Variants in UBN2 observed in about 807,000 individuals in gnomAD.
UBN2 encodes ubinuclein-2.
A neutral mutation model predicts 120.2 loss-of-function variants in UBN2; 35 were observed. The observed-to-expected ratio is 0.29, with a 90% CI of 0.22 to 0.39. The LOEUF (loss-of-function observed/expected upper bound fraction) is 0.39. Ranked by LOEUF, UBN2 falls within the 10% of genes least tolerant of loss-of-function variation. The pLI is 1.00. For synonymous variants in UBN2, 661 were observed against 648.7 expected (o/e 1.02, Z -0.29); for missense variants, 1,693 against 1,663.2 (o/e 1.02, Z -0.31).
chr7:139,261,020 C>G (rs1783962271), intron 5 of UBN2, among the ~76,000 whole-genome samples: 1 of 152,146 alleles, frequency 6.6e-6, no homozygotes. Context: ...CTAAACTGAG[C>G]TGTTTCCCCA....
At chr7:139,323,782 G>A in the UBN2 span, among the ~76,000 whole-genome samples, 2 of 152,016 alleles carry the variant, frequency 1.3e-5, no homozygotes, top group South Asian at 4.1e-4. Context: ...TAGAGTTGGG[G>A]TTTCACCATG....
chr7:139,274,004 G>A lies in UBN2; in HGVS notation c.1903G>A (p.Glu635Lys). 6.2e-7 allele frequency: 1 copy of A among 1,613,990 alleles called. No individual in the cohort carries two copies. Among genetic ancestry groups the A allele is most frequent in the Non-Finnish European group, 8.5e-7 (1 of 1,179,954 alleles). The part of the protein sequence containing the change: ...ELEPNKSQSA[E>K]DYLKSFMETE... ...AGAACCAAATAAAAGCCAGTCTGCTGAAGATTATCTTAAGTCTTTTATGGA... is the reference window on the plus strand; with the variant it reads ...AGAACCAAATAAAAGCCAGTCTGCTAAAGATTATCTTAAGTCTTTTATGGA... Residue 635 changes from glutamate (E) to lysine (K), a missense_variant, in exon 11 of 18, where the codon GAA becomes AAA. By Grantham distance (56) the Glu-to-Lys change is moderately conservative (BLOSUM62 1). Transcript: ENST00000473989.
In UBN2 at chr7:139,299,992, A is replaced by G. The variant is rs559889639; in HGVS notation, c.*2156A>G. 1 of 152,290 alleles carries G rather than the reference A, an allele frequency of 6.6e-6. No individual in the cohort carries two copies. Among genetic ancestry groups the G allele is most frequent in the African/African-American group, 2.4e-5 (1 of 41,566 alleles). The allele number at this position is 152,290 out of a possible 1,614,324, so 9.4% of individuals were successfully genotyped here. ...TTTGTCTGTATGTATATATACATAC[A>G]CACATACATTCATATAAATGACTAG... On this transcript the variant is annotated 3_prime_UTR_variant, in exon 18 of 18. Transcript: ENST00000473989.
Position 139,261,649 on chromosome 7 carries a change from A to G in UBN2, c.1303A>G (p.Thr435Ala). 6.2e-7 allele frequency: 1 copy of G among 1,614,190 alleles called. No individual in the cohort carries two copies. The highest frequency in any genetic ancestry group is 8.5e-7 in the Non-Finnish European group (1 of 1,180,034). The change falls in exon 6 of 18, where the codon ACC becomes GCC. Residue 435 changes from threonine to alanine, a missense_variant. Physicochemically the swap from Thr to Ala is moderately conservative, Grantham distance 58. Coordinates refer to ENST00000473989, the MANE Select transcript of UBN2 (RefSeq NM_173569.4). ...GGENGTTTQP[T>A]YTSQVMPKVV... ...TGAAAATGGAACCACCACCCAGCCA[A>G]CCTACACTTCTCAGGTTATGCCCAA...
chr7:139,327,191 A>G, the UBN2 span, among the ~76,000 whole-genome samples: 3 of 151,856 alleles, frequency 2.0e-5, no homozygotes, highest in Non-Finnish European at 2.9e-5. Flanking sequence ...GTGCCACCAC[A>G]CCCAGCTAAT....
At chr7:139,252,134 A>G in intron 3 of UBN2, 77 bp downstream of exon 3, 1 of 1,178,342 alleles carries the variant, frequency 8.5e-7, no homozygotes, top group Non-Finnish European at 1.3e-6. Context: ...AAAGTAACTT[A>G]AATAGTGCAG....
At chr7:139,275,089 C>T (rs532254662) in intron 11 of UBN2, among the ~76,000 whole-genome samples, 1 of 150,968 alleles carries the variant, frequency 6.6e-6, no homozygotes, top group East Asian at 2.0e-4. Context: ...ACCAGCCTGG[C>T]CAGCATGGTG....
rs532160958 is a variant in UBN2 at position 139,290,277 on chromosome 7, C to T, written c.3670-2955C>T. On this transcript the variant is annotated intron_variant, in intron 15 of 17. Coordinates refer to ENST00000473989, the MANE Select transcript of UBN2 (RefSeq NM_173569.4). ...AGTTGATGCAGGATCTTTTCTTTCC[C>T]AGTTGCATTAAGATACTATTATTTC... 1.8e-4 allele frequency among the ~76,000 whole-genome samples: 27 copies of T among 152,174 alleles called. No individual in the cohort carries two copies. The South Asian group carries it at 4.4e-3, about 25-fold the overall frequency.
chr7:139,261,320 C>T lies in UBN2; in HGVS notation c.974C>T (p.Ala325Val). The change falls in exon 6 of 18, where the codon GCT becomes GTT. Residue 325 changes from alanine (A) to valine (V), a missense_variant. Coordinates refer to ENST00000473989, the MANE Select transcript of UBN2 (RefSeq NM_173569.4). ...CGTTATAAAGATTCTCTTTCTCTAG[C>T]TGCCATGATTAGAAAATTCCAGAAA... ...KKRYKDSLSL[A>V]AMIRKFQKEK... The T allele has an allele frequency of 6.2e-7, 1 of 1,613,984 alleles. No homozygotes were observed. The highest frequency in any genetic ancestry group is 8.5e-7 in the Non-Finnish European group (1 of 1,179,986).
At chr7:139,245,575 G>A (rs1021434534) in intron 2 of UBN2, among the ~76,000 whole-genome samples, 2 of 152,158 alleles carry the variant, frequency 1.3e-5, no homozygotes, top group Non-Finnish European at 2.9e-5. Flanking sequence ...CCCATAAATT[G>A]TTTGCACTTC....
In UBN2 at chr7:139,261,456, G is replaced by A. The variant is rs182314709; in HGVS notation, c.1110G>A (p.Pro370=). Residue 370 remains proline (P), a synonymous_variant, in exon 6 of 18, where the codon CCG becomes CCA. Transcript: ENST00000473989. ...CAAAALGNDV[P]DLNLSSGDPD... ...CTGCAGCACTGGGGAATGACGTCCC[G>A]GACTTAAATCTGAGCAGCGGTGATC... The A allele has an allele frequency of 2.5e-4, 403 of 1,614,138 alleles. 3 individuals are homozygous for A. In the African/African-American group the frequency reaches 4.1e-3, roughly 16 times the overall value.
chr7:139,293,572 G>GTTTTTT, intron 16 of UBN2, 109 bp downstream of exon 16: 5 of 690,092 alleles, frequency 7.2e-6, no homozygotes, highest in Non-Finnish European at 1.1e-5. Flanking sequence ...GAAGATTATA[G>GTTTTTT]TTTTTTTTTT....
intron 1 of UBN2, 31 bp downstream of exon 1, chr7:139,231,983 C>T (rs767015902): frequency 1.3e-6 from 2 of 1,563,164 alleles, no homozygotes; most frequent in South Asian, 1.1e-5. Context: ...CTGCCCCAGA[C>T]CCCGGGAGCC....
At chr7:139,232,819 A>G (rs1384513979) in intron 1 of UBN2, among the ~76,000 whole-genome samples, 1 of 152,214 alleles carries the variant, frequency 6.6e-6, no homozygotes, top group African/African-American at 2.4e-5. Flanking sequence ...ATATATAGGT[A>G]TGCTTTTGAT....
rs1055556788 is a variant in UBN2, at chr7:139,231,763, C to A, written c.279C>A (p.Pro93=). ...PMSLQREPPR[P]EPPPPFPPLP... is the part of the protein sequence containing the mutation. ...CGCTGCAGCGGGAGCCCCCGCGGCCCGAGCCGCCGCCGCCGTTCCCGCCGC... is the reference window on the plus strand; with the variant it reads ...CGCTGCAGCGGGAGCCCCCGCGGCCAGAGCCGCCGCCGCCGTTCCCGCCGC... The change falls in exon 1 of 18, where the codon CCC becomes CCA. Residue 93 remains proline (P), a synonymous_variant. Transcript: ENST00000473989. 3 of 1,244,204 alleles carry A rather than the reference C, an allele frequency of 2.4e-6. No individual in the cohort carries two copies. The highest frequency in any genetic ancestry group is 3.2e-5 in the African/African-American group (2 of 62,822). 77.1% of individuals were successfully genotyped at this position (1,244,204 alleles called of 1,614,324 possible). A position where few individuals can be genotyped will look rare whatever the true frequency, so the allele number is the denominator to read the frequency against.
intron 3 of UBN2, among the ~76,000 whole-genome samples, chr7:139,253,571 C>G (rs375358836): frequency 1.3e-5 from 2 of 152,200 alleles, no homozygotes; most frequent in South Asian, 2.1e-4. Flanking sequence ...CATTGAGTGC[C>G]AGTCTTTATC....
rs1056537005 is a variant in UBN2, at chr7:139,298,083, A to G, written c.*247A>G. 6.5e-5 allele frequency: 28 copies of G among 430,320 alleles called. No individual in the cohort carries two copies. In the East Asian group the frequency reaches 9.1e-4, roughly 14 times the overall value. The allele number at this position is 430,320 out of a possible 1,614,324, so 26.7% of individuals were successfully genotyped here. On this transcript the variant is annotated 3_prime_UTR_variant, in exon 18 of 18. Transcript: ENST00000473989. ...TTCTAAAGAATGACAGAGTTACCGTATTAACAGACTTGAAAGAGACTCAGT... is the reference window on the plus strand; with the variant it reads ...TTCTAAAGAATGACAGAGTTACCGTGTTAACAGACTTGAAAGAGACTCAGT...
intron 3 of UBN2, among the ~76,000 whole-genome samples, chr7:139,253,115 T>G (rs1196387410): frequency 1.3e-5 from 2 of 152,202 alleles, no homozygotes; most frequent in African/African-American, 2.4e-5. Flanking sequence ...TACATGGATA[T>G]AATCCTTTTA....
chr7:139,292,208 A>T (rs1173477988), intron 15 of UBN2, among the ~76,000 whole-genome samples: 1 of 152,142 alleles, frequency 6.6e-6, no homozygotes, highest in Non-Finnish European at 1.5e-5. Context: ...GTTAGCTGTG[A>T]TTGCACCACT....
Sources: gnomAD v4.1 joint callset for allele counts (sites outside exome capture counted in the v4.1 genomes callset) on GRCh38, gnomAD v4.1.1 for gene constraint, MANE v1.5 for transcripts, NCBI Gene and HGNC (gene_info 2026-07-23, HGNC 2026-07-21) for gene names.